Variants in L3MBTL4 observed in about 807,000 individuals in gnomAD.
L3MBTL4 encodes the protein L3MBTL histone methyl-lysine binding protein 4.
Under a neutral mutation model 84.5 loss-of-function variants are expected in L3MBTL4, and 70 were observed. The ratio of observed to expected loss-of-function variants is 0.83; its 90% confidence interval spans 0.68 to 1.01. L3MBTL4 has a LOEUF of 1.01. Among genes scored for constraint, L3MBTL4 ranks in the 50% least tolerant of loss-of-function variants. The probability of loss-of-function intolerance (pLI) is 0.00; values close to 1 mark genes in which losing one functional copy is unlikely to be tolerated. For missense variants in L3MBTL4, 715 were observed against 754.8 expected, an observed-to-expected ratio of 0.95 and a Z score of 0.62; for synonymous variants, 274 against 259.8, an observed-to-expected ratio of 1.05 and a Z score of -0.52.
chr18:6,187,960 T>A (rs552830040), intron 12 of L3MBTL4, among the ~76,000 whole-genome samples: 1 of 151,844 alleles, frequency 6.6e-6, no homozygotes, highest in Admixed American at 6.6e-5. Context: ...AAGATCTAAT[T>A]ATCTAGGGCT....
intron 1 of L3MBTL4, among the ~76,000 whole-genome samples, chr18:6,347,141 GGGTGAAATGAT>G (rs1256310580): frequency 6.6e-6 from 1 of 152,054 alleles, no homozygotes; most frequent in East Asian, 1.9e-4. Context: ...CAGAAACAGA[GGGTGAAATGAT>G]GGTGCCGGGA....
intron 16 of L3MBTL4, chr18:6,031,513 C>T: frequency 4.1e-6 from 4 of 984,850 alleles, no homozygotes; most frequent in Non-Finnish European, 4.8e-6. Flanking sequence ...ACTTAGTTCA[C>T]ACATCTGTTT....
intron 14 of L3MBTL4, among the ~76,000 whole-genome samples, chr18:6,128,147 T>A (rs181061970): frequency 1.4e-5 from 2 of 142,850 alleles, no homozygotes; most frequent in African/African-American, 5.3e-5. Flanking sequence ...TAAAAACAAA[T>A]CAGAGAATAA....
At chr18:6,078,948 C>T (rs865841553) in intron 16 of L3MBTL4, among the ~76,000 whole-genome samples, 39 of 152,170 alleles carry the variant, frequency 2.6e-4, no homozygotes, top group African/African-American at 9.4e-4. Flanking sequence ...ATCTAGATCC[C>T]TCACATGTGC....
chr18:6,088,236 G>C (rs2058324745), intron 15 of L3MBTL4, among the ~76,000 whole-genome samples: 1 of 152,172 alleles, frequency 6.6e-6, no homozygotes, highest in South Asian at 2.1e-4. Context: ...GCAAGGATAG[G>C]ACTGGACTGG....
intron 1 of L3MBTL4, among the ~76,000 whole-genome samples, chr18:6,369,284 G>A (rs961574766): frequency 2.0e-5 from 3 of 152,092 alleles, no homozygotes; most frequent in Admixed American, 1.3e-4. Flanking sequence ...CTGTAAATAA[G>A]AAACTAACAG....
chr18:6,401,993 T>C (rs1275910981), intron 1 of L3MBTL4, among the ~76,000 whole-genome samples: 24 of 152,228 alleles, frequency 1.6e-4, no homozygotes, highest in Non-Finnish European at 1.0e-4. Context: ...GCTAGTATTA[T>C]ACTTCTCTAA....
intron 14 of L3MBTL4, among the ~76,000 whole-genome samples, chr18:6,095,221 A>G (rs1045319605): frequency 1.3e-5 from 2 of 152,192 alleles, no homozygotes; most frequent in African/African-American, 4.8e-5. Flanking sequence ...TATTTATTTT[A>G]CTGGTAAGAC....
chr18:6,400,370 G>A (rs1310058695), intron 1 of L3MBTL4, among the ~76,000 whole-genome samples: 1 of 152,158 alleles, frequency 6.6e-6, no homozygotes, highest in African/African-American at 2.4e-5. Flanking sequence ...AGAAAGTCCA[G>A]GGGTTATATT....
chr18:6,238,126 C>A (rs2047293739), intron 9 of L3MBTL4, 86 bp from the exon 10 acceptor site: 5 of 1,163,506 alleles, frequency 4.3e-6, no homozygotes. Context: ...TGGATATCAA[C>A]AGATACCACA....
chr18:6,038,647 T>C (rs551768779), intron 16 of L3MBTL4, among the ~76,000 whole-genome samples: 1 of 152,236 alleles, frequency 6.6e-6, no homozygotes, highest in African/African-American at 2.4e-5. Context: ...TTAAGAAGTA[T>C]AGTGCAGCAA....
In L3MBTL4 at chr18:5,956,019, A is replaced by C. The variant is rs1426775986; in HGVS notation, c.*201T>G. On this transcript the variant is annotated 3_prime_UTR_variant, in exon 19 of 19. Coordinates refer to ENST00000317931, the MANE Select transcript of L3MBTL4 (RefSeq NM_001330559.2). ...AACAATGTTCGTAAACCAAACCCAC[A>C]GATGGGCCTAAGCCTCTGAGTCATT... 3.9e-6 allele frequency: 2 copies of C among 512,314 alleles called. No homozygotes were observed. The highest frequency in any genetic ancestry group is 6.8e-6 in the Non-Finnish European group (2 of 292,854). The allele number at this position is 512,314 out of a possible 1,614,324, so 31.7% of individuals were successfully genotyped here. A position where few individuals can be genotyped will look rare whatever the true frequency, so the allele number is the denominator to read the frequency against.
chr18:6,345,237 G>GAAA (rs60415566), intron 1 of L3MBTL4, among the ~76,000 whole-genome samples: 5 of 111,690 alleles, frequency 4.5e-5, no homozygotes, highest in African/African-American at 1.7e-4. Context: ...AAAAAAAAAA[G>GAAA]AAAAAAAAAA....
At chr18:6,198,220 A>G (rs1348128643) in intron 12 of L3MBTL4, among the ~76,000 whole-genome samples, 1 of 152,184 alleles carries the variant, frequency 6.6e-6, no homozygotes, top group Non-Finnish European at 1.5e-5. Flanking sequence ...AGCTTATCTC[A>G]GGGTTGCAAC....
At chr18:6,115,852 G>C (rs778825862) in intron 14 of L3MBTL4, among the ~76,000 whole-genome samples, 1 of 152,130 alleles carries the variant, frequency 6.6e-6, no homozygotes, top group Non-Finnish European at 1.5e-5. Flanking sequence ...TCAGTATCTG[G>C]GCTCCACCTC....
intron 16 of L3MBTL4, among the ~76,000 whole-genome samples, chr18:5,980,195 G>T (rs1322388086): frequency 2.6e-5 from 4 of 152,128 alleles, no homozygotes; most frequent in African/African-American, 9.7e-5. Flanking sequence ...GGCTTGTTCT[G>T]GGAACCACCT....
intron 16 of L3MBTL4, among the ~76,000 whole-genome samples, chr18:6,068,940 C>T (rs1040351573): frequency 6.6e-6 from 1 of 152,214 alleles, no homozygotes; most frequent in African/African-American, 2.4e-5. Flanking sequence ...AGGAATGAGA[C>T]TTCCTGAGAC....
rs139560897 is a variant in L3MBTL4 at position 6,391,752 on chromosome 18, A to AACTACTACTACTACT, written c.-91+23034_-91+23048dup. Among the ~76,000 whole-genome samples, 293 of 150,106 alleles carry AACTACTACTACTACT rather than the reference A, an allele frequency of 2.0e-3. 2 individuals carry two copies. Among genetic ancestry groups the AACTACTACTACTACT allele is most frequent in the African/African-American group, 6.2e-3 (250 of 40,446 alleles). On this transcript the variant is annotated intron_variant, in intron 1 of 18. Coordinates refer to ENST00000317931, the MANE Select transcript of L3MBTL4 (RefSeq NM_001330559.2). Reference sequence around the variant, plus strand: ...TACAACATCTGCAAACAACAACAACAACTACTACTACTACTACTACTACTA... The same window carrying AACTACTACTACTACT: ...TACAACATCTGCAAACAACAACAACAACTACTACTACTACTACTACTACTACTACTACTACTACTA...
At chr18:6,304,912 T>C (rs956480739) in intron 3 of L3MBTL4, among the ~76,000 whole-genome samples, 12 of 152,182 alleles carry the variant, frequency 7.9e-5, no homozygotes, top group African/African-American at 2.9e-4. Context: ...AAAAGAAATA[T>C]ATAATATGCT....
Sources: allele counts gnomAD v4.1 joint callset (sites outside exome capture counted in the v4.1 genomes callset), GRCh38; gene constraint gnomAD v4.1.1; transcripts MANE v1.5; gene names NCBI Gene and HGNC (gene_info 2026-07-23, HGNC 2026-07-21).